CCDC187: variants seen among roughly 807,000 people sequenced by gnomAD.
CCDC187 encodes the protein coiled-coil domain containing 187.
In CCDC187, 32 loss-of-function variants were observed where a neutral mutation model predicts 38.0. The observed-to-expected ratio is 0.84, with a 90% confidence interval of 0.64 to 1.13. CCDC187 has a LOEUF of 1.13. CCDC187 is among the 50% of genes most tolerant of loss of function. CCDC187 has a pLI of 0.00. For synonymous variants in CCDC187, 333 were observed against 347.9 expected (o/e 0.96, Z 0.48); for missense variants, 707 against 786.8 (o/e 0.90, Z 1.21).
intron 1 of CCDC187, among the ~76,000 whole-genome samples, 192 bp from the exon 2 acceptor site, chr9:136,303,485 G>T (rs1355187151): frequency 6.6e-6 from 1 of 152,256 alleles, no homozygotes; most frequent in Non-Finnish European, 1.5e-5. Flanking sequence ...ACCCCTCTGA[G>T]GTAGGTAATG....
chr9:136,303,362 C>T lies in CCDC187; in HGVS notation c.144-69G>A, dbSNP rs1831737268. 1.8e-5 allele frequency: 7 copies of T among 392,844 alleles called. No individual in the cohort carries two copies. In the South Asian group the frequency reaches 4.3e-4, roughly 24 times the overall value. The allele number at this position is 392,844 out of a possible 1,614,324, so 24.3% of individuals were successfully genotyped here. ...GAGGTGCCGAGCAGAGCCGCTCAGA[C>T]TGGCCCCACCTCCCCGGGCATTCCT... On this transcript the variant is annotated intron_variant, in intron 1 of 25. Coordinates refer to ENST00000638797, the MANE Select transcript of CCDC187 (RefSeq NM_001378188.1).
At chr9:136,262,247 G>C (rs931218171) in intron 19 of CCDC187, 64 bp downstream of exon 19, 14 of 985,134 alleles carry the variant, frequency 1.4e-5, no homozygotes, top group African/African-American at 1.7e-5. Flanking sequence ...GGCAGAAAAG[G>C]CTTCTCAGGG....
chr9:136,274,471 C>T (rs955308312), intron 14 of CCDC187, among the ~76,000 whole-genome samples, 187 bp downstream of exon 14: 24 of 152,384 alleles, frequency 1.6e-4, no homozygotes, highest in African/African-American at 5.8e-4. Context: ...GGGTCAGTCA[C>T]GCGAGTGCTG....
Position 136,300,322 on chromosome 9 carries a change from G to A in CCDC187, c.626-4C>T. Reference sequence around the variant, plus strand: ...GCTGCACTCAAGATGCTGAAACCTGGAACAGGGTGAAAAGAAGAAGGCAGC... The same window carrying A: ...GCTGCACTCAAGATGCTGAAACCTGAAACAGGGTGAAAAGAAGAAGGCAGC... On this transcript the variant is annotated splice_polypyrimidine_tract_variant and splice_region_variant and intron_variant, in intron 2 of 25. Transcript: ENST00000638797. The A allele has an allele frequency of 2.5e-6, 1 of 398,592 alleles. No individual in the cohort carries two copies. The highest frequency in any genetic ancestry group is 4.4e-6 in the Non-Finnish European group (1 of 226,076). The allele number at this position is 398,592 out of a possible 1,614,324, so 24.7% of individuals were successfully genotyped here.
In CCDC187 at chr9:136,253,836, C is replaced by G. The variant is rs1554759897; in HGVS notation, c.5992G>C (p.Gly1998Arg). 5 of 985,428 alleles carry G rather than the reference C, an allele frequency of 5.1e-6. No homozygotes were observed. In the African/African-American group the frequency reaches 8.7e-5, roughly 17 times the overall value. The allele number at this position is 985,428 out of a possible 1,614,324, so 61.0% of individuals were successfully genotyped here. ...ATGGAGGACGGGAGGTCGGCACTGC[C>G]GTAGGACAGCAACTCGTCCACGGGA... ...LSPVDELLSY[G>R]SADLPSSIHR... The change falls in exon 26 of 26, where the codon GGC becomes CGC. Residue 1998 changes from glycine to arginine, a missense_variant. Transcript: ENST00000638797.
Position 136,282,803 on chromosome 9 carries a change from G to A in CCDC187, c.2928-1140C>T, listed in dbSNP as rs1056330600. Among the ~76,000 whole-genome samples, 86 of 152,374 alleles carry A rather than the reference G, an allele frequency of 5.6e-4. No individual in the cohort carries two copies. The East Asian group carries it at 0.015, about 26-fold the overall frequency. On this transcript the variant is annotated intron_variant, in intron 9 of 25. Transcript: ENST00000638797. ...TCCTGGTGCTGCAGGGGAGCTGGAC[G>A]TGTGCCCAGGCCGTGAGGGGCTGCA...
Position 136,264,339 on chromosome 9 carries a change from C to T in CCDC187, c.3736-541G>A, listed in dbSNP as rs1830718357. ...GTCCCAGACCCCACCTCCACCACGG[C>T]ATCTCTATCTGCGACACGCAGCCTG... On this transcript the variant is annotated intron_variant, in intron 17 of 25. Transcript: ENST00000638797. This position sits in a 1 kb window ranked among gnomAD's most constrained non-coding sequence, Gnocchi z 4.3. 1 of 152,320 alleles carries T rather than the reference C, an allele frequency of 6.6e-6. No homozygotes were observed. 9.4% of individuals were successfully genotyped at this position (152,320 alleles called of 1,614,324 possible).
chr9:136,261,576 G>A (rs1398695059), intron 19 of CCDC187, among the ~76,000 whole-genome samples: 1 of 152,350 alleles, frequency 6.6e-6, no homozygotes, highest in Middle Eastern at 3.4e-3. Context: ...ACTGGCAACT[G>A]GTTGCAATGT....
In CCDC187 at chr9:136,258,540, C is replaced by CA. The variant is rs1554760620; in HGVS notation, c.4366+391_4366+392insT. Among the ~76,000 whole-genome samples the CA allele has an allele frequency of 6.6e-6, 1 of 151,510 alleles. No individual in the cohort carries two copies. The highest frequency in any genetic ancestry group is 2.0e-4 in the East Asian group (1 of 5,064). On this transcript the variant is annotated intron_variant, in intron 22 of 25. Coordinates refer to ENST00000638797, the MANE Select transcript of CCDC187 (RefSeq NM_001378188.1). This position sits in a 1 kb window ranked among gnomAD's most constrained non-coding sequence, Gnocchi z 4.3. ...ACCTGCAAATTGGGGACTTGGCTCTCGGGGGGGGCCCCGGCCAAGTGTAAG... is the reference window on the plus strand; with the variant it reads ...ACCTGCAAATTGGGGACTTGGCTCTCAGGGGGGGGCCCCGGCCAAGTGTAAG...
At chr9:136,271,634 G>A (rs1427198661) in intron 14 of CCDC187, among the ~76,000 whole-genome samples, 2 of 137,882 alleles carry the variant, frequency 1.5e-5, no homozygotes, top group African/African-American at 5.5e-5. Flanking sequence ...TTGAGACGGA[G>A]TCTCACTCTG....
At position 136,254,586 on chromosome 9, in the gene CCDC187, G is replaced by A; in HGVS notation, c.5242C>T (p.Pro1748Ser). Residue 1748 changes from proline (P) to serine (S), a missense_variant, in exon 26 of 26, where the codon CCA (proline) becomes TCA (serine). Physicochemically the swap from Pro to Ser is moderately conservative, Grantham distance 74. Coordinates refer to ENST00000638797, the MANE Select transcript of CCDC187 (RefSeq NM_001378188.1). ...WLLPFPDIPS[P>S]RSGSELSEAS... ...TCTGACAGCTCTGACCCTGACCTTG[G>A]AGAGGGGATGTCTGGGAAAGGCAGT... The A allele has an allele frequency of 1.0e-6, 1 of 985,544 alleles. No homozygotes were observed. Among genetic ancestry groups the A allele is most frequent in the African/African-American group, 1.7e-5 (1 of 57,362 alleles). 61.0% of individuals were successfully genotyped at this position (985,544 alleles called of 1,614,324 possible). A position where few individuals can be genotyped will look rare whatever the true frequency, so the allele number is the denominator to read the frequency against.
At position 136,291,392 on chromosome 9, in the gene CCDC187, G is replaced by A. The variant is rs1057318928; in HGVS notation, c.1221C>T (p.Asp407=). The change falls in exon 6 of 26, where the codon GAC becomes GAT. Residue 407 remains aspartate (D), a synonymous_variant. Transcript: ENST00000638797. ...CCCTGCAGCAGCCCCTCCCTGCCAC[G>A]TCCTGCAGCCTCCGCTTTGATGGCC... ...ELGPSKRRLQ[D]VAGRGCCRDP... The A allele has an allele frequency of 1.3e-4, 50 of 399,046 alleles. No individual in the cohort carries two copies. The highest frequency in any genetic ancestry group is 7.8e-4 in the African/African-American group (38 of 48,760). 24.7% of individuals were successfully genotyped at this position (399,046 alleles called of 1,614,324 possible).
chr9:136,280,845 G>A (rs1218544433), intron 10 of CCDC187: 1 of 152,432 alleles, frequency 6.6e-6, no homozygotes, highest in African/African-American at 2.4e-5. Context: ...CTGCTCTGGG[G>A]TGGTGGTCCA....
At chr9:136,290,152 C>T in intron 6 of CCDC187, 99 bp from the exon 7 acceptor site, 1 of 398,066 alleles carries the variant, frequency 2.5e-6, no homozygotes, top group Non-Finnish European at 4.4e-6. Context: ...CCTTGGGGGT[C>T]TCAGGCTGCT....
In CCDC187 at chr9:136,293,205, AAACACATG is replaced by A. The variant is rs1440893438; in HGVS notation, c.833-918_833-911del. ...CACACTCACATGCTCACACACTCAC[AAACACATG>A]CTCACACACTCACACTCACACGCTC... On this transcript the variant is annotated intron_variant, in intron 4 of 25. Transcript: ENST00000638797. 7.5e-5 allele frequency among the ~76,000 whole-genome samples: 11 copies of A among 146,106 alleles called. 1 individual carries two copies. The East Asian group carries it at 1.3e-3, about 18-fold the overall frequency.
rs566987451 is a variant in CCDC187, at chr9:136,254,439, C to A, written c.5389G>T (p.Val1797Leu). 2 of 985,112 alleles carry A rather than the reference C, an allele frequency of 2.0e-6. No individual in the cohort carries two copies. Among genetic ancestry groups the A allele is most frequent in the South Asian group, 4.7e-5 (1 of 21,262 alleles). The allele number at this position is 985,112 out of a possible 1,614,324, so 61.0% of individuals were successfully genotyped here. The stretch of plus-strand genomic sequence containing the variant: ...GAGGGAGGAGCCACCTGGGGCTCCA[C>A]GCCGCTTCCAAGGCCCAGTGAGCCA... ...AGGSLGLGSGVEPQVAPPSPR... is the reference protein window; with the variant it reads ...AGGSLGLGSGLEPQVAPPSPR... The change falls in exon 26 of 26, where the codon GTG (valine) becomes TTG (leucine). Residue 1797 changes from valine (V) to leucine (L), a missense_variant. Val to Leu is a conservative substitution (Grantham distance 32). Transcript: ENST00000638797.
At chr9:136,270,613 T>G (rs1554762269) in intron 14 of CCDC187, among the ~76,000 whole-genome samples, 2 of 151,822 alleles carry the variant, frequency 1.3e-5, no homozygotes, top group African/African-American at 2.4e-5. Context: ...CAGGGAGGGG[T>G]TTAGGCCTCC....
chr9:136,268,264 G>A, intron 14 of CCDC187, 139 bp from the exon 15 acceptor site: 1 of 325,130 alleles, frequency 3.1e-6, no homozygotes, highest in Non-Finnish European at 4.4e-6. Context: ...GACACACAGG[G>A]CTTCACGCAG....
rs1431567079 is a variant in CCDC187 at position 136,293,500 on chromosome 9, C to T, written c.833-1205G>A. 4.1e-3 allele frequency among the ~76,000 whole-genome samples: 534 copies of T among 131,468 alleles called. 7 individuals are homozygous for T. The highest frequency in any genetic ancestry group is 8.3e-3 in the South Asian group (33 of 3,992). The allele number at this position is 131,468 out of a possible 152,430, so 86.2% of individuals were successfully genotyped here. On this transcript the variant is annotated intron_variant, in intron 4 of 25. Coordinates refer to ENST00000638797, the MANE Select transcript of CCDC187 (RefSeq NM_001378188.1). ...ACACACTCACAAACACATGCTCACA[C>T]ACTCACAAACACACATGCTCACATA...
Sources: gnomAD v4.1 joint callset for allele counts (sites outside exome capture counted in the v4.1 genomes callset) on GRCh38, gnomAD v4.1.1 for gene constraint, Gnocchi (gnomAD v3.1) non-coding constraint, MANE v1.5 for transcripts, NCBI Gene and HGNC (gene_info 2026-07-23, HGNC 2026-07-21) for gene names.